EIF2B3: variants seen among roughly 807,000 people sequenced by gnomAD.
The protein encoded by EIF2B3 is translation initiation factor eIF2B subunit gamma.
Under a neutral mutation model 54.1 loss-of-function variants are expected in EIF2B3, and 20 were observed. The observed-to-expected ratio is 0.37, with a 90% CI of 0.26 to 0.54. EIF2B3 has a LOEUF of 0.54. EIF2B3 is among the 20% of genes least tolerant of loss of function. The pLI is 0.86. For missense variants in EIF2B3, 448 were observed against 547.8 expected, an observed-to-expected ratio of 0.82 and a Z score of 1.82; for synonymous variants, 153 against 188.1, an observed-to-expected ratio of 0.81 and a Z score of 1.52.
At chr1:44,910,969 C>T (rs1643502351) in intron 5 of EIF2B3, among the ~76,000 whole-genome samples, 1 of 151,896 alleles carries the variant, frequency 6.6e-6, no homozygotes, top group Admixed American at 6.6e-5. Flanking sequence ...AGACTGAACC[C>T]AATTTACAAA....
chr1:44,956,248 G>T (rs533791004), intron 3 of EIF2B3, among the ~76,000 whole-genome samples: 1 of 152,184 alleles, frequency 6.6e-6, no homozygotes, highest in East Asian at 1.9e-4. Context: ...ATCATTCTTA[G>T]CAAACTAACA....
intron 1 of EIF2B3, among the ~76,000 whole-genome samples, chr1:44,985,703 A>T (rs1382936610): frequency 6.6e-6 from 1 of 152,234 alleles, no homozygotes; most frequent in African/African-American, 2.4e-5. Context: ...ATGAATAGTA[A>T]TCATGAACAT....
chr1:44,932,980 A>G (rs1354530157), intron 4 of EIF2B3, among the ~76,000 whole-genome samples: 1 of 152,202 alleles, frequency 6.6e-6, no homozygotes, highest in African/African-American at 2.4e-5. Flanking sequence ...GGTTCAAGAT[A>G]TGACAGTGAA....
intron 3 of EIF2B3, among the ~76,000 whole-genome samples, chr1:44,954,153 C>T (rs765278534): frequency 5.3e-5 from 8 of 152,006 alleles, no homozygotes; most frequent in Non-Finnish European, 1.2e-4. Context: ...GCAAAAAAGA[C>T]AAAACAACTC....
chr1:44,875,639 G>C lies in EIF2B3; in HGVS notation c.1032C>G (p.Ala344=). 1 of 1,614,148 alleles carries C rather than the reference G, an allele frequency of 6.2e-7. No homozygotes were observed. The highest frequency in any genetic ancestry group is 8.5e-7 in the Non-Finnish European group (1 of 1,180,020). The stretch of plus-strand genomic sequence containing the variant: ...TTACCAGGTGTTTGCTGACAATCTG[G>C]GCTGACGAATGGACTGGTGGTTCTT... ...CPEEPPVHSS[A]QIVSKHLVGV... The change falls in exon 9 of 12, where the codon GCC becomes GCG. Residue 344 remains alanine, a synonymous_variant. Transcript: ENST00000360403.
chr1:44,864,068 T>C (rs1426492559), intron 10 of EIF2B3, among the ~76,000 whole-genome samples: 2 of 152,154 alleles, frequency 1.3e-5, no homozygotes, highest in Non-Finnish European at 2.9e-5. Context: ...ATCTAAGTCC[T>C]TGTATTCCCT....
At chr1:44,864,903 C>A (rs1234840992) in intron 10 of EIF2B3, among the ~76,000 whole-genome samples, 3 of 152,138 alleles carry the variant, frequency 2.0e-5, no homozygotes, top group Non-Finnish European at 4.4e-5. Context: ...TGTCTTCTGG[C>A]CTGAAATGTT....
intron 1 of EIF2B3, among the ~76,000 whole-genome samples, chr1:44,983,662 A>G (rs988867389): frequency 3.3e-5 from 5 of 151,912 alleles, no homozygotes; most frequent in Non-Finnish European, 1.5e-5. Flanking sequence ...ACCTGAGGTC[A>G]GGAGTTCAAG....
In EIF2B3 at chr1:44,981,051, A is replaced by G. The variant is rs1433503623; in HGVS notation, c.118T>C (p.Leu40=). The part of the protein sequence containing the change: ...VGNKPLIWYP[L]NLLERVGFEE... ...AATCCAACACGCTCAAGCAGGTTCA[A>G]TGGGTACCAAATTAAAGGTTTGTTC... Residue 40 remains leucine (L), a synonymous_variant, in exon 2 of 12, where the codon TTG becomes CTG. Coordinates refer to ENST00000360403, the MANE Select transcript of EIF2B3 (RefSeq NM_020365.5). 5.6e-6 allele frequency: 9 copies of G among 1,613,624 alleles called. No individual in the cohort carries two copies. The African/African-American group carries it at 8.0e-5, about 14-fold the overall frequency.
chr1:44,871,403 T>C (rs1654960979), intron 10 of EIF2B3, among the ~76,000 whole-genome samples: 1 of 152,238 alleles, frequency 6.6e-6, no homozygotes, highest in Admixed American at 6.5e-5. Flanking sequence ...CCTGAAATGC[T>C]AATTTAATCA....
At chr1:44,930,771 G>T (rs1157568721) in intron 4 of EIF2B3, among the ~76,000 whole-genome samples, 1 of 152,216 alleles carries the variant, frequency 6.6e-6, no homozygotes. Flanking sequence ...CTCCCAAGTA[G>T]CTGGGACCAC....
chr1:44,891,172 T>G (rs1655787391), intron 6 of EIF2B3, among the ~76,000 whole-genome samples: 1 of 152,202 alleles, frequency 6.6e-6, no homozygotes, highest in Non-Finnish European at 1.5e-5. Context: ...TTATCATGGC[T>G]CACTGCAGCT....
At chr1:44,907,364 C>T (rs1042212160) in intron 5 of EIF2B3, among the ~76,000 whole-genome samples, 2 of 150,740 alleles carry the variant, frequency 1.3e-5, no homozygotes, top group Admixed American at 6.6e-5. Flanking sequence ...TGGAGACCAT[C>T]CTGGCCAACA....
chr1:44,937,883 C>CAAAAAAAAAAAA (rs34363661), intron 4 of EIF2B3, among the ~76,000 whole-genome samples: 1 of 33,534 alleles, frequency 3.0e-5, no homozygotes, highest in African/African-American at 1.0e-4. Flanking sequence ...GACTCCGTCT[C>CAAAAAAAAAAAA]AAAAAAAAAA....
At chr1:44,958,874 T>C in intron 3 of EIF2B3, 1 of 858,982 alleles carries the variant, frequency 1.2e-6, no homozygotes, top group Non-Finnish European at 2.0e-6. Flanking sequence ...AACATCTCTA[T>C]CAAGAACACA....
intron 5 of EIF2B3, chr1:44,925,288 T>C (rs544612086): frequency 1.7e-4 from 26 of 152,284 alleles, no homozygotes; most frequent in Admixed American, 1.7e-3. Context: ...GCAACTCAAA[T>C]GTCTGTCAGA....
intron 5 of EIF2B3, among the ~76,000 whole-genome samples, chr1:44,897,746 T>TC (rs1228711712): frequency 1.3e-5 from 2 of 149,766 alleles, no homozygotes; most frequent in African/African-American, 5.1e-5. Flanking sequence ...ACTTTTTTTT[T>TC]TTTTTTTTTT....
chr1:44,985,052 C>A (rs1644558112), intron 1 of EIF2B3, among the ~76,000 whole-genome samples: 1 of 151,212 alleles, frequency 6.6e-6, no homozygotes, highest in South Asian at 2.1e-4. Flanking sequence ...ATGATCCACC[C>A]GCCTCGGCCT....
At position 44,867,392 on chromosome 1, in the gene EIF2B3, G is replaced by A. The variant is rs76239883; in HGVS notation, c.1202+7286C>T. On this transcript the variant is annotated intron_variant, in intron 10 of 11. Transcript: ENST00000360403. ...GCAGGAGCTTTCTCTGAATAGTCTC[G>A]CCTACACCTTCTCCAAGGTGGTCCT... Among the ~76,000 whole-genome samples, 631 of 152,086 alleles carry A rather than the reference G, an allele frequency of 4.1e-3. 3 individuals carry two copies. The highest frequency in any genetic ancestry group is 0.014 in the African/African-American group (584 of 41,484).
Sources: allele counts gnomAD v4.1 joint callset (sites outside exome capture counted in the v4.1 genomes callset), GRCh38; gene constraint gnomAD v4.1.1; transcripts MANE v1.5; gene names NCBI Gene and HGNC (gene_info 2026-07-23, HGNC 2026-07-21).